Variants in TENM2 observed in about 807,000 individuals in gnomAD.
TENM2 encodes teneurin transmembrane protein 2.
In TENM2, 52 loss-of-function variants were observed where a neutral mutation model predicts 245.2. The ratio of observed to expected loss-of-function variants is 0.21; its 90% confidence interval spans 0.17 to 0.27. The LOEUF (loss-of-function observed/expected upper bound fraction) is 0.27. Among genes scored for constraint, TENM2 ranks in the 10% least tolerant of loss-of-function variants. The pLI is 1.00. For missense variants in TENM2, 3,046 were observed against 3,666.8 expected (o/e 0.83, Z 4.37); for synonymous variants, 1,363 against 1,438.9 (o/e 0.95, Z 1.19).
chr5:167,969,281 G>A (rs918264033), intron 4 of TENM2, among the ~76,000 whole-genome samples: 5 of 151,680 alleles, frequency 3.3e-5, no homozygotes, highest in South Asian at 2.1e-4. Flanking sequence ...TGCTCTTCTC[G>A]TGGTAGTGAA....
rs747603141 is a variant in TENM2, at chr5:167,703,530, C to CAAAAAAAAA, written c.503-172447_503-172439dup. Among the ~76,000 whole-genome samples, 467 of 97,072 alleles carry CAAAAAAAAA rather than the reference C, an allele frequency of 4.8e-3. 13 individuals carry two copies. Among genetic ancestry groups the CAAAAAAAAA allele is most frequent in the African/African-American group, 0.014 (437 of 30,980 alleles). The allele number at this position is 97,072 out of a possible 152,430, so 63.7% of individuals were successfully genotyped here. On this transcript the variant is annotated intron_variant, in intron 2 of 28. Transcript: ENST00000518659. ...CTGGGTGACAAGAGTGAAACCATCT[C>CAAAAAAAAA]AAAAAAAAAAAAAAAAAGGCTACAT...
At chr5:167,690,759 G>A (rs1267457060) in intron 2 of TENM2, among the ~76,000 whole-genome samples, 1 of 151,882 alleles carries the variant, frequency 6.6e-6, no homozygotes, top group Non-Finnish European at 1.5e-5. Context: ...CAACTTAAGT[G>A]TCTTTAAAAT....
chr5:167,924,704 G>T (rs534377973), intron 3 of TENM2, among the ~76,000 whole-genome samples: 42 of 152,308 alleles, frequency 2.8e-4, no homozygotes, highest in African/African-American at 8.7e-4. Context: ...TGCACGTCTT[G>T]TCTAAAGGTT....
At chr5:167,547,409 G>A (rs1772636565) in intron 2 of TENM2, among the ~76,000 whole-genome samples, 1 of 152,174 alleles carries the variant, frequency 6.6e-6, no homozygotes, top group Admixed American at 6.5e-5. Context: ...TGCTCTGCAG[G>A]ATCCATTAAG....
chr5:167,583,783 T>TC (rs1410195810), intron 2 of TENM2, among the ~76,000 whole-genome samples: 109 of 152,304 alleles, frequency 7.2e-4, no homozygotes, highest in Non-Finnish European at 2.2e-4. Context: ...CTACCTCTGC[T>TC]CTCCCAATCT....
At chr5:167,638,124 TGTGTGTGTGTGTGTG>T (rs1423333780) in intron 2 of TENM2, among the ~76,000 whole-genome samples, 7 of 150,214 alleles carry the variant, frequency 4.7e-5, no homozygotes, top group Non-Finnish European at 1.0e-4. Context: ...TGTGTGTGTG[TGTGTGTGTGTGTGTG>T]TGTGTCAGGG....
intron 3 of TENM2, among the ~76,000 whole-genome samples, chr5:167,930,776 A>AAAT (rs1778219067): frequency 6.6e-6 from 1 of 151,962 alleles, no homozygotes; most frequent in South Asian, 2.1e-4. Context: ...TTTTTTAAAA[A>AAAT]AGCATGATTT....
the TENM2 span, among the ~76,000 whole-genome samples, chr5:167,149,125 G>A: frequency 1.6e-4 from 25 of 151,952 alleles, no homozygotes; most frequent in Non-Finnish European, 4.4e-5. Flanking sequence ...CCATTAACTC[G>A]TTATTTAACA....
At chr5:168,199,165 C>G in intron 16 of TENM2, 51 bp downstream of exon 18, 1 of 1,566,002 alleles carries the variant, frequency 6.4e-7, no homozygotes, top group Non-Finnish European at 8.7e-7. Flanking sequence ...CTAACGAAAA[C>G]CAACTGGACA....
intron 1 of TENM2, among the ~76,000 whole-genome samples, chr5:167,365,361 C>T (rs375803011): frequency 1.3e-5 from 2 of 149,854 alleles, no homozygotes; most frequent in Non-Finnish European, 3.0e-5. Context: ...ACATTTCTAC[C>T]GCAAGAACCT....
intron 12 of TENM2, among the ~76,000 whole-genome samples, chr5:168,147,571 G>C (rs1756214000): frequency 6.6e-6 from 1 of 152,188 alleles, no homozygotes; most frequent in Non-Finnish European, 1.5e-5. Context: ...TGGGGGAAGT[G>C]AATTTCCTTA....
intron 7 of TENM2, among the ~76,000 whole-genome samples, chr5:168,080,736 C>T (rs965944638): frequency 3.3e-5 from 5 of 152,038 alleles, no homozygotes; most frequent in African/African-American, 4.8e-5. Flanking sequence ...TGTAGTTGAG[C>T]GATTCTGAGT....
At chr5:167,576,897 T>A (rs1774730277) in intron 2 of TENM2, among the ~76,000 whole-genome samples, 1 of 152,238 alleles carries the variant, frequency 6.6e-6, no homozygotes, top group South Asian at 2.1e-4. Flanking sequence ...TTTCATTATA[T>A]GATTTTGAAA....
the TENM2 span, among the ~76,000 whole-genome samples, chr5:167,256,315 A>G: frequency 5.3e-5 from 8 of 152,154 alleles, no homozygotes; most frequent in Non-Finnish European, 1.2e-4. Flanking sequence ...TTGAAGAGTA[A>G]GTGGAAACTC....
At chr5:167,394,981 T>A (rs1424132831) in intron 2 of TENM2, among the ~76,000 whole-genome samples, 4 of 152,186 alleles carry the variant, frequency 2.6e-5, no homozygotes, top group African/African-American at 7.2e-5. Flanking sequence ...ACCAAGATTA[T>A]GGTTCTACGT....
At chr5:167,505,191 G>A (rs990059554) in intron 2 of TENM2, among the ~76,000 whole-genome samples, 2 of 151,844 alleles carry the variant, frequency 1.3e-5, no homozygotes, top group South Asian at 2.1e-4. Flanking sequence ...AAGCTGCCTC[G>A]GTATCATTAT....
intron 2 of TENM2, among the ~76,000 whole-genome samples, chr5:167,436,965 A>T (rs1386928471): frequency 6.6e-6 from 1 of 152,096 alleles, no homozygotes; most frequent in African/African-American, 2.4e-5. Context: ...CTCACGGAGA[A>T]CCTCTGCTAG....
At chr5:168,043,164 G>A (rs1433900943) in intron 5 of TENM2, among the ~76,000 whole-genome samples, 2 of 152,168 alleles carry the variant, frequency 1.3e-5, no homozygotes, top group African/African-American at 4.8e-5. Flanking sequence ...AGGATCTCTT[G>A]AGGAGACCAG....
At chr5:167,084,366 T>TATATATATATATATATATATATAC in the TENM2 span, among the ~76,000 whole-genome samples, 3 of 114,884 alleles carry the variant, frequency 2.6e-5, no homozygotes, top group Non-Finnish European at 5.6e-5. Context: ...TATATATATA[T>TATATATATATATATATATATATAC]ACAGATCAGA....
Sources: gnomAD v4.1 joint callset for allele counts (sites outside exome capture counted in the v4.1 genomes callset) on GRCh38, gnomAD v4.1.1 for gene constraint, MANE v1.5 for transcripts, NCBI Gene and HGNC (gene_info 2026-07-23, HGNC 2026-07-21) for gene names.